The following TECRL variants were observed in gnomAD, a reference collection of about 807,000 sequenced individuals.
The protein encoded by TECRL is trans-2,3-enoyl-CoA reductase like, also known as trans-2,3-enoyl-CoA reductase-like.
A neutral mutation model predicts 52.8 loss-of-function variants in TECRL; 63 were observed. That is an observed-to-expected ratio of 1.19 (90% CI 0.97 to 1.47). The LOEUF (loss-of-function observed/expected upper bound fraction) is 1.47, where lower values mean the gene tolerates loss of function less well. Ranked by LOEUF, TECRL falls within the 40% of genes most tolerant of loss-of-function variation. The pLI is 0.00. For missense variants in TECRL, 482 were observed against 429.6 expected (o/e 1.12, Z -1.08); for synonymous variants, 164 against 141.9 (o/e 1.16, Z -1.10).
intron 3 of TECRL, among the ~76,000 whole-genome samples, chr4:64,324,452 A>G (rs1450912261): frequency 6.6e-6 from 1 of 151,968 alleles, no homozygotes. Flanking sequence ...TATTATCTAC[A>G]TCATTAAAAG....
At chr4:64,309,991 G>T in intron 5 of TECRL, 60 bp from the exon 6 acceptor site, 1 of 1,055,692 alleles carries the variant, frequency 9.5e-7, no homozygotes, top group South Asian at 1.5e-5. Context: ...CTTGCCTCAT[G>T]CATGATACAT....
intron 7 of TECRL, 77 bp downstream of exon 7, chr4:64,305,089 T>C (rs1724250575): frequency 5.0e-6 from 5 of 1,006,880 alleles, no homozygotes; most frequent in Non-Finnish European, 7.2e-6. Context: ...TACTTATTCC[T>C]TTATGTATGT....
At chr4:64,407,943 T>C (rs923793807) in intron 1 of TECRL, among the ~76,000 whole-genome samples, 2 of 151,670 alleles carry the variant, frequency 1.3e-5, no homozygotes, top group African/African-American at 4.8e-5. Context: ...TTGTATGATA[T>C]ATACTCATCG....
At chr4:64,284,331 A>G (rs1722976953) in intron 9 of TECRL, among the ~76,000 whole-genome samples, 1 of 152,052 alleles carries the variant, frequency 6.6e-6, no homozygotes, top group African/African-American at 2.4e-5. Context: ...CCTAGAGCAG[A>G]TAGTCTACGC....
chr4:64,351,985 A>G (rs1720423338), intron 2 of TECRL, among the ~76,000 whole-genome samples: 1 of 120,738 alleles, frequency 8.3e-6, no homozygotes, highest in Non-Finnish European at 1.9e-5. Flanking sequence ...CATTTGGATC[A>G]AGGCCTACCT....
intron 6 of TECRL, among the ~76,000 whole-genome samples, chr4:64,309,277 CA>C (rs1258211169): frequency 6.6e-6 from 1 of 152,044 alleles, no homozygotes; most frequent in Admixed American, 6.6e-5. Flanking sequence ...AATTGAAAAA[CA>C]AAATTTAGCT....
chr4:64,334,043 A>AAAAAAAAAAAAAAAAG (rs1560507040), intron 2 of TECRL, among the ~76,000 whole-genome samples: 1 of 143,678 alleles, frequency 7.0e-6, no homozygotes, highest in Non-Finnish European at 1.5e-5. Context: ...AAAAAAAAAA[A>AAAAAAAAAAAAAAAAG]AAAAAAGAAA....
intron 1 of TECRL, among the ~76,000 whole-genome samples, chr4:64,406,524 A>G (rs905742802): frequency 2.0e-5 from 3 of 151,328 alleles, no homozygotes; most frequent in Non-Finnish European, 4.4e-5. Context: ...CCAAATGATT[A>G]TTAAAAATAA....
intron 5 of TECRL, among the ~76,000 whole-genome samples, chr4:64,313,977 C>CAAAAAAAA (rs752037972): frequency 4.0e-3 from 245 of 61,908 alleles, no homozygotes; most frequent in Middle Eastern, 9.3e-3. Context: ...ACTAAAAATA[C>CAAAAAAAA]AAAAAAAAAA....
chr4:64,393,253 G>A (rs1056019237), intron 1 of TECRL, among the ~76,000 whole-genome samples: 1 of 151,948 alleles, frequency 6.6e-6, no homozygotes, highest in African/African-American at 2.4e-5. Context: ...TGGCAAAAAA[G>A]GACATGCATC....
At chr4:64,380,210 C>A (rs963162349) in intron 1 of TECRL, among the ~76,000 whole-genome samples, 1 of 151,948 alleles carries the variant, frequency 6.6e-6, no homozygotes, top group Non-Finnish European at 1.5e-5. Context: ...AGAGAAATAT[C>A]TACTCAGATT....
At chr4:64,298,338 T>G (rs912086571) in intron 8 of TECRL, among the ~76,000 whole-genome samples, 1 of 151,144 alleles carries the variant, frequency 6.6e-6, no homozygotes, top group Non-Finnish European at 1.5e-5. Flanking sequence ...TGGGGCTGTA[T>G]GAAATATACT....
chr4:64,393,456 C>A (rs529793198), intron 1 of TECRL, among the ~76,000 whole-genome samples: 11 of 151,782 alleles, frequency 7.2e-5, no homozygotes, highest in African/African-American at 2.4e-4. Flanking sequence ...CAGAGATGTT[C>A]GAATGGAAAA....
chr4:64,367,325 A>G (rs2109642094), intron 2 of TECRL, among the ~76,000 whole-genome samples: 1 of 152,122 alleles, frequency 6.6e-6, no homozygotes, highest in Non-Finnish European at 1.5e-5. Flanking sequence ...TTGTACACCA[A>G]CCCCAACAAC....
At chr4:64,378,820 T>C (rs1722577152) in intron 1 of TECRL, among the ~76,000 whole-genome samples, 1 of 152,058 alleles carries the variant, frequency 6.6e-6, no homozygotes, top group African/African-American at 2.4e-5. Context: ...CTTCAGATCA[T>C]ATAAATTTTT....
chr4:64,387,617 T>C (rs1049329083), intron 1 of TECRL, among the ~76,000 whole-genome samples: 2 of 152,120 alleles, frequency 1.3e-5, no homozygotes, highest in Non-Finnish European at 1.5e-5. Flanking sequence ...TTCACAGTAA[T>C]ATCGCATTAT....
chr4:64,340,464 T>A (rs145427693), intron 2 of TECRL, among the ~76,000 whole-genome samples: 161 of 152,316 alleles, frequency 1.1e-3, no homozygotes, highest in African/African-American at 3.7e-3. Context: ...CAGAGCAAAG[T>A]TGGGACCAAG....
chr4:64,356,838 C>T (rs1016258955), intron 2 of TECRL, among the ~76,000 whole-genome samples: 3 of 152,048 alleles, frequency 2.0e-5, no homozygotes, highest in Non-Finnish European at 4.4e-5. Context: ...ATGAGAATTA[C>T]CCACAGGTGT....
chr4:64,399,357 A>C (rs1037698010), intron 1 of TECRL, among the ~76,000 whole-genome samples: 1 of 152,032 alleles, frequency 6.6e-6, no homozygotes, highest in Non-Finnish European at 1.5e-5. Flanking sequence ...AAATGTTTGC[A>C]AAAAAAATGT....
Sources: allele counts gnomAD v4.1 joint callset (sites outside exome capture counted in the v4.1 genomes callset), GRCh38; gene constraint gnomAD v4.1.1; transcripts MANE v1.5; gene names NCBI Gene and HGNC (gene_info 2026-07-23, HGNC 2026-07-21).